The following BMPR1B variants were observed in gnomAD, a reference collection of about 807,000 sequenced individuals.
BMPR1B encodes bone morphogenetic protein receptor type-1B.
A neutral mutation model predicts 59.1 loss-of-function variants in BMPR1B; 12 were observed. The ratio of observed to expected loss-of-function variants is 0.20; its 90% confidence interval spans 0.13 to 0.33. The LOEUF is 0.33. Ranked by LOEUF, BMPR1B falls within the 10% of genes least tolerant of loss-of-function variation. BMPR1B has a pLI of 1.00. For synonymous variants in BMPR1B, 237 were observed against 207.3 expected, an observed-to-expected ratio of 1.14 and a Z score of -1.23; for missense variants, 550 against 610.9, an observed-to-expected ratio of 0.90 and a Z score of 1.05.
chr4:94,811,567 C>T (rs1489919281), intron 1 of BMPR1B, among the ~76,000 whole-genome samples: 1 of 152,100 alleles, frequency 6.6e-6, no homozygotes, highest in East Asian at 1.9e-4. Context: ...AATTATTATA[C>T]TCTGATCTAG....
intron 2 of BMPR1B, among the ~76,000 whole-genome samples, chr4:94,933,837 G>A (rs1729186636): frequency 6.6e-6 from 1 of 152,150 alleles, no homozygotes; most frequent in Non-Finnish European, 1.5e-5. Flanking sequence ...TTCTGGGTCA[G>A]TGATGCTGTA....
At chr4:95,010,738 A>G (rs1328655863) in intron 3 of BMPR1B, among the ~76,000 whole-genome samples, 1 of 152,196 alleles carries the variant, frequency 6.6e-6, no homozygotes, top group Non-Finnish European at 1.5e-5. Flanking sequence ...GTCTTATGAT[A>G]AGAAAACCAC....
intron 6 of BMPR1B, among the ~76,000 whole-genome samples, chr4:95,117,256 T>C (rs1315313401): frequency 6.6e-6 from 1 of 152,236 alleles, no homozygotes; most frequent in East Asian, 1.9e-4. Flanking sequence ...TAATCCATTT[T>C]AGCCTCACAG....
intron 1 of BMPR1B, among the ~76,000 whole-genome samples, chr4:94,788,353 G>A (rs1722837993): frequency 6.6e-6 from 1 of 152,178 alleles, no homozygotes; most frequent in Non-Finnish European, 1.5e-5. Context: ...ACAGGGAGGA[G>A]TATCTCTGGC....
intron 3 of BMPR1B, among the ~76,000 whole-genome samples, chr4:95,057,162 T>C (rs186045375): frequency 5.8e-4 from 89 of 152,266 alleles, no homozygotes; most frequent in Admixed American, 4.1e-3. Context: ...ATACTTATAG[T>C]TTCTTGCTTG....
intron 1 of BMPR1B, among the ~76,000 whole-genome samples, chr4:94,847,201 C>G (rs1578715011): frequency 6.6e-6 from 1 of 152,148 alleles, no homozygotes; most frequent in East Asian, 1.9e-4. Context: ...CATCACTGAT[C>G]AACAGAGCAA....
intron 1 of BMPR1B, among the ~76,000 whole-genome samples, chr4:94,868,568 C>G (rs755961529): frequency 1.3e-5 from 2 of 152,172 alleles, no homozygotes; most frequent in Non-Finnish European, 2.9e-5. Flanking sequence ...AATCCTGTTT[C>G]CTTGGAAGGG....
At chr4:95,026,099 T>TTTCTTTCTTTCC (rs1336496589) in intron 3 of BMPR1B, among the ~76,000 whole-genome samples, 12,492 of 31,192 alleles carry the variant, frequency 0.4, 759 homozygotes, top group Admixed American at 0.44. Flanking sequence ...CTTTCTTTCA[T>TTTCTTTCTTTCC]TTCTTTCTTT....
At position 94,838,674 on chromosome 4, in the gene BMPR1B, C is replaced by T. The variant is rs1457297704; in HGVS notation, c.-182-37157C>T. Among the ~76,000 whole-genome samples, 8 of 141,224 alleles carry T rather than the reference C, an allele frequency of 5.7e-5. No individual in the cohort carries two copies. In the East Asian group the frequency reaches 5.9e-4, roughly 10 times the overall value. The allele number at this position is 141,224 out of a possible 152,430, so 92.6% of individuals were successfully genotyped here. ...TTTTTTTCTTTATTAGTCTTACTAG[C>T]GGTCTATCAATTTTGTTGATCCTTT... On this transcript the variant is annotated intron_variant, in intron 1 of 12. Coordinates refer to ENST00000515059, the MANE Select transcript of BMPR1B (RefSeq NM_001203.3).
intron 10 of BMPR1B, among the ~76,000 whole-genome samples, chr4:95,145,106 CTTGT>C (rs1010788900): frequency 1.3e-5 from 2 of 152,028 alleles, no homozygotes; most frequent in African/African-American, 2.4e-5. Flanking sequence ...AGCAGTTTAC[CTTGT>C]TTTTCTCTGG....
chr4:94,967,845 C>T (rs1256348441), intron 2 of BMPR1B, among the ~76,000 whole-genome samples: 3 of 151,516 alleles, frequency 2.0e-5, no homozygotes, highest in Non-Finnish European at 1.5e-5. Context: ...TTTTTCTTCA[C>T]TTAATAAAAC....
At chr4:95,103,632 T>G (rs1315336586) in intron 3 of BMPR1B, 1 of 375,730 alleles carries the variant, frequency 2.7e-6, no homozygotes, top group African/African-American at 2.2e-5. Flanking sequence ...GTCACAAGAT[T>G]ATTTATAAAG....
At chr4:94,765,620 C>T (rs548713359) in intron 1 of BMPR1B, among the ~76,000 whole-genome samples, 4 of 152,204 alleles carry the variant, frequency 2.6e-5, no homozygotes, top group African/African-American at 4.8e-5. Context: ...TCAAATCTCT[C>T]GTTTAATAAT....
chr4:95,091,276 TTTTTGTTTTG>T (rs772890522), intron 3 of BMPR1B, among the ~76,000 whole-genome samples: 109 of 145,090 alleles, frequency 7.5e-4, no homozygotes, highest in South Asian at 2.2e-3. Context: ...TTTTCTTTTT[TTTTTGTTTTG>T]TTTTGTTTTG....
At chr4:95,111,612 T>C (rs1260152271) in intron 4 of BMPR1B, among the ~76,000 whole-genome samples, 1 of 152,130 alleles carries the variant, frequency 6.6e-6, no homozygotes, top group African/African-American at 2.4e-5. Context: ...ATTCTCTGAA[T>C]GCGTATCTAC....
chr4:94,994,154 A>C (rs1376973424), intron 2 of BMPR1B, among the ~76,000 whole-genome samples: 1 of 152,242 alleles, frequency 6.6e-6, no homozygotes, highest in Non-Finnish European at 1.5e-5. Context: ...GAATAAAGGC[A>C]GTTAAAACCT....
intron 3 of BMPR1B, among the ~76,000 whole-genome samples, chr4:95,100,820 T>C (rs535744470): frequency 1.3e-5 from 2 of 152,270 alleles, no homozygotes; most frequent in South Asian, 4.1e-4. Flanking sequence ...TCTTTACTTG[T>C]TATTCTCTTT....
At chr4:94,857,060 A>G (rs1366704471) in intron 1 of BMPR1B, among the ~76,000 whole-genome samples, 3 of 152,218 alleles carry the variant, frequency 2.0e-5, no homozygotes, top group Non-Finnish European at 2.9e-5. Context: ...AGTAAAGAGT[A>G]TGCTTCAGGA....
intron 3 of BMPR1B, among the ~76,000 whole-genome samples, chr4:95,063,410 A>T (rs1252740908): frequency 2.0e-5 from 3 of 152,128 alleles, no homozygotes; most frequent in Non-Finnish European, 2.9e-5. Flanking sequence ...AAATAATATG[A>T]TTATAGCCTA....
Sources: allele counts gnomAD v4.1 joint callset (sites outside exome capture counted in the v4.1 genomes callset), GRCh38; gene constraint gnomAD v4.1.1; transcripts MANE v1.5; gene names NCBI Gene and HGNC (gene_info 2026-07-23, HGNC 2026-07-21).